CHDH: variants seen among roughly 807,000 people sequenced by gnomAD.
The protein encoded by CHDH is choline dehydrogenase.
A neutral mutation model predicts 56.9 loss-of-function variants in CHDH; 43 were observed. That is an observed-to-expected ratio of 0.76 (90% CI 0.59 to 0.97). The LOEUF (loss-of-function observed/expected upper bound fraction) is 0.97. Among genes scored for constraint, CHDH ranks in the 50% least tolerant of loss-of-function variants. CHDH has a pLI of 0.00. For synonymous variants in CHDH, 364 were observed against 348.5 expected (o/e 1.04, Z -0.50); for missense variants, 816 against 821.1 (o/e 0.99, Z 0.08).
At chr3:53,832,151 G>A (rs1053940230) in intron 2 of CHDH, among the ~76,000 whole-genome samples, 1 of 152,152 alleles carries the variant, frequency 6.6e-6, no homozygotes, top group Non-Finnish European at 1.5e-5. Context: ...CCTGAAAGCA[G>A]AAACTTGAAC....
intron 8 of CHDH, 48 bp downstream of exon 8, chr3:53,818,890 A>G (rs1479505745): frequency 1.7e-6 from 2 of 1,153,622 alleles, no homozygotes; most frequent in South Asian, 1.2e-5. Context: ...GAACCCCACA[A>G]AGGCATTCGT....
rs2095619231 is a variant in CHDH, at chr3:53,818,171, A to C, written c.1391T>G (p.Leu464Arg). ...AATTTCTCTGGTGAGCTTCACACAC[A>C]GACGGAAATCCTCAATATCAGTTTC... is the stretch of plus-strand genomic sequence containing the variant. The part of the protein sequence containing the change: ...STETDIEDFR[L>R]CVKLTREIFA... The change falls in exon 9 of 9, where the codon CTG (leucine) becomes CGG (arginine). Residue 464 changes from leucine (L) to arginine (R), a missense_variant. Physicochemically the swap from Leu to Arg is moderately radical, Grantham distance 102. Transcript: ENST00000315251. 2 of 1,610,400 alleles carry C rather than the reference A, an allele frequency of 1.2e-6. No individual in the cohort carries two copies. The highest frequency in any genetic ancestry group is 1.7e-6 in the Non-Finnish European group (2 of 1,178,706).
chr3:53,819,618 C>T lies in CHDH; in HGVS notation c.1177G>A (p.Val393Ile), dbSNP rs768719238. 5 of 1,612,474 alleles carry T rather than the reference C, an allele frequency of 3.1e-6. No individual in the cohort carries two copies. In the Admixed American group the frequency reaches 5.0e-5, roughly 16 times the overall value. ...TGGFIRSQPG[V>I]PHPDIQFHFL... is the part of the protein sequence containing the mutation. Reference sequence around the variant, plus strand: ...TGGAACTGGATGTCCGGGTGGGGGACCCCAGGCTGGCTGCGGATGAACCCA... The same window carrying T: ...TGGAACTGGATGTCCGGGTGGGGGATCCCAGGCTGGCTGCGGATGAACCCA... The change falls in exon 7 of 9, where the codon GTC (valine) becomes ATC (isoleucine). Residue 393 changes from valine (V) to isoleucine (I), a missense_variant. Val to Ile is a conservative substitution (Grantham distance 29, BLOSUM62 3). Transcript: ENST00000315251. This position sits in a 1 kb window ranked among gnomAD's most constrained non-coding sequence, Gnocchi z 5.4.
rs3079421 is a variant in CHDH at position 53,812,590 on chromosome 3, GGTAA to G, written c.*5183_*5186del. 0.57 allele frequency: 86,265 copies of G among 151,558 alleles called. 25,906 individuals carry two copies. Among genetic ancestry groups the G allele is most frequent in the East Asian group, 0.81 (4,142 of 5,126 alleles). 9.4% of individuals were successfully genotyped at this position (151,558 alleles called of 1,614,324 possible). ...GTTTGTTTGACTTGAACCACCCTCT[GGTAA>G]GTAAGTAAGTGAATTACAGAGCAGG... On this transcript the variant is annotated 3_prime_UTR_variant, in exon 9 of 9. Transcript: ENST00000315251.
At position 53,819,751 on chromosome 3, in the gene CHDH, C is replaced by T. The variant is rs539445107; in HGVS notation, c.1121-77G>A. 9.6e-6 allele frequency: 14 copies of T among 1,454,326 alleles called. No individual in the cohort carries two copies. In the South Asian group the frequency reaches 1.8e-4, roughly 19 times the overall value. The allele number at this position is 1,454,326 out of a possible 1,614,324, so 90.1% of individuals were successfully genotyped here. On this transcript the variant is annotated intron_variant, in intron 6 of 8. Transcript: ENST00000315251. This position sits in a 1 kb window ranked among gnomAD's most constrained non-coding sequence, Gnocchi z 5.4. ...GGGCCGGCTGCTCCTGGTTTCCCTC[C>T]TTTCTCCTGGCCGCTCCTCTTCCTT...
chr3:53,841,285 G>A (rs1698662504), intron 1 of CHDH, among the ~76,000 whole-genome samples: 1 of 152,180 alleles, frequency 6.6e-6, no homozygotes, highest in African/African-American at 2.4e-5. Flanking sequence ...CACCAGCTTA[G>A]GAGGTTGGCC....
intron 2 of CHDH, among the ~76,000 whole-genome samples, chr3:53,838,849 AG>A (rs1305323044): frequency 4.6e-5 from 7 of 152,190 alleles, no homozygotes; most frequent in Non-Finnish European, 8.8e-5. Flanking sequence ...GCAGAGGCCT[AG>A]GGGGTAGTAG....
Position 53,819,868 on chromosome 3 carries a change from G to A in CHDH, c.1121-194C>T, listed in dbSNP as rs892014437. 7.2e-5 allele frequency among the ~76,000 whole-genome samples: 11 copies of A among 152,152 alleles called. No individual in the cohort carries two copies. Among genetic ancestry groups the A allele is most frequent in the African/African-American group, 2.7e-4 (11 of 41,438 alleles). ...CTCACCCAGCACCACACCATAAAAT[G>A]TCAGCTATTTGCCAAAAGGATGGCA... On this transcript the variant is annotated intron_variant, in intron 6 of 8. Coordinates refer to ENST00000315251, the MANE Select transcript of CHDH (RefSeq NM_018397.5). This position sits in a 1 kb window ranked among gnomAD's most constrained non-coding sequence, Gnocchi z 5.4.
At chr3:53,834,128 T>C (rs1365354009) in intron 2 of CHDH, among the ~76,000 whole-genome samples, 1 of 152,268 alleles carries the variant, frequency 6.6e-6, no homozygotes, top group East Asian at 1.9e-4. Flanking sequence ...CAGCTAACAA[T>C]TCTCATTTCA....
In CHDH at chr3:53,823,981, G is replaced by A. The variant is rs754634274; in HGVS notation, c.28C>T (p.Arg10Trp). Residue 10 changes from arginine to tryptophan, a missense_variant, in exon 3 of 9, where the codon CGG becomes TGG. Physicochemically the swap from Arg to Trp is moderately radical, Grantham distance 101. Transcript: ENST00000315251. MWCLLRGLG[R>W]PGALARGALG... is the part of the protein sequence containing the mutation. Reference sequence around the variant, plus strand: ...GCTCCCCGTGCCAGGGCTCCAGGCCGGCCCAGGCCTCGTAGGAGACACCAC... The same window carrying A: ...GCTCCCCGTGCCAGGGCTCCAGGCCAGCCCAGGCCTCGTAGGAGACACCAC... The A allele has an allele frequency of 1.8e-5, 27 of 1,503,614 alleles. No individual in the cohort carries two copies. Among genetic ancestry groups the A allele is most frequent in the Middle Eastern group, 3.6e-4 (2 of 5,570 alleles). The allele number at this position is 1,503,614 out of a possible 1,614,324, so 93.1% of individuals were successfully genotyped here.
chr3:53,836,804 C>G (rs1299940040), intron 2 of CHDH, among the ~76,000 whole-genome samples: 1 of 152,198 alleles, frequency 6.6e-6, no homozygotes, highest in Non-Finnish European at 1.5e-5. Flanking sequence ...CAGAAGGCAC[C>G]CCCTGGGAAT....
At chr3:53,832,477 A>G (rs1698367048) in intron 2 of CHDH, among the ~76,000 whole-genome samples, 1 of 152,196 alleles carries the variant, frequency 6.6e-6, no homozygotes. Context: ...GCTTGCAGTG[A>G]GCCGAGATCG....
intron 4 of CHDH, among the ~76,000 whole-genome samples, chr3:53,822,073 G>A (rs879851218): frequency 1.6e-4 from 24 of 151,768 alleles, no homozygotes; most frequent in African/African-American, 2.7e-4. Context: ...GAGAGCAAGC[G>A]GTGAACCAGA....
At chr3:53,820,771 A>G (rs771862832) in intron 5 of CHDH, among the ~76,000 whole-genome samples, 163 bp from the exon 6 acceptor site, 13 of 152,214 alleles carry the variant, frequency 8.5e-5, no homozygotes, top group Non-Finnish European at 1.5e-4. Flanking sequence ...CAGAGACACT[A>G]TGTGTGCACT....
chr3:53,838,225 G>T (rs1698564963), intron 2 of CHDH, among the ~76,000 whole-genome samples: 1 of 152,202 alleles, frequency 6.6e-6, no homozygotes, highest in Non-Finnish European at 1.5e-5. Flanking sequence ...TCCAGTCTGT[G>T]CAGGTGCTGC....
intron 1 of CHDH, among the ~76,000 whole-genome samples, chr3:53,845,263 G>A (rs945084801): frequency 1.2e-4 from 18 of 152,286 alleles, no homozygotes; most frequent in Admixed American, 1.2e-3. Flanking sequence ...CTGATCCCCA[G>A]TCCATGCAAG....
At chr3:53,842,180 A>G (rs1314285906) in intron 1 of CHDH, among the ~76,000 whole-genome samples, 1 of 151,854 alleles carries the variant, frequency 6.6e-6, no homozygotes, top group East Asian at 1.9e-4. Flanking sequence ...ACCAAACCAC[A>G]TAGTGATTTT....
rs375568671 is a variant in CHDH at position 53,823,885 on chromosome 3, T to C, written c.124A>G (p.Ser42Gly). ...GAGCCCGCGCCCACCACCACATAGC[T>C]GTACTCGTCCCGGCTCTCAGAGCCT... is the stretch of plus-strand genomic sequence containing the variant. ...SAGSESRDEYSYVVVGAGSAG... is the reference protein window; with the variant it reads ...SAGSESRDEYGYVVVGAGSAG... Residue 42 changes from serine (S) to glycine (G), a missense_variant, in exon 3 of 9, where the codon AGC (serine) becomes GGC (glycine). Coordinates refer to ENST00000315251, the MANE Select transcript of CHDH (RefSeq NM_018397.5). 2.8e-5 allele frequency: 45 copies of C among 1,588,296 alleles called. No homozygotes were observed. The African/African-American group carries it at 5.8e-4, about 20-fold the overall frequency.
At chr3:53,822,403 G>T in intron 4 of CHDH, 88 bp downstream of exon 4, 4 of 1,280,010 alleles carry the variant, frequency 3.1e-6, no homozygotes, top group Non-Finnish European at 4.4e-6. Flanking sequence ...GTCTGGGGGT[G>T]AGGGCGTGAC....
Sources: allele counts gnomAD v4.1 joint callset (sites outside exome capture counted in the v4.1 genomes callset), GRCh38; gene constraint gnomAD v4.1.1; non-coding constraint Gnocchi (gnomAD v3.1); transcripts MANE v1.5; gene names NCBI Gene and HGNC (gene_info 2026-07-23, HGNC 2026-07-21).